MYT1L: variants seen among roughly 807,000 people sequenced by gnomAD.
The protein encoded by MYT1L is myelin transcription factor 1-like protein.
MYT1L carries 12 observed loss-of-function variants against 126.7 expected under a neutral mutation model. The ratio of observed to expected loss-of-function variants is 0.09; its 90% CI spans 0.06 to 0.15. MYT1L has a LOEUF of 0.15. MYT1L is among the 10% of genes least tolerant of loss of function. The probability of loss-of-function intolerance (pLI) is 1.00; values close to 1 mark genes in which losing one functional copy is unlikely to be tolerated. For synonymous variants in MYT1L, 541 were observed against 604.2 expected, an observed-to-expected ratio of 0.90 and a Z score of 1.53; for missense variants, 979 against 1,585.2, an observed-to-expected ratio of 0.62 and a Z score of 6.49.
chr2:2,014,200 T>TTTG (rs1383689862), intron 4 of MYT1L, among the ~76,000 whole-genome samples: 1 of 151,900 alleles, frequency 6.6e-6, no homozygotes, highest in Admixed American at 6.6e-5. Flanking sequence ...AATCCTGTTT[T>TTTG]TTTTTTTTTT....
intron 1 of MYT1L, among the ~76,000 whole-genome samples, chr2:2,328,738 G>A (rs147935804): frequency 6.6e-6 from 1 of 152,166 alleles, no homozygotes; most frequent in East Asian, 1.9e-4. Context: ...AAGTAATAAT[G>A]TTTACAATTT....
intron 18 of MYT1L, among the ~76,000 whole-genome samples, chr2:1,862,525 CTT>C (rs921295979): frequency 1.3e-5 from 2 of 152,162 alleles, no homozygotes; most frequent in African/African-American, 4.8e-5. Context: ...ATTCGTTCCT[CTT>C]TGTGCTTTTT....
At position 2,090,845 on chromosome 2, in the gene MYT1L, GA is replaced by G. The variant is rs536579958; in HGVS notation, c.-303-36723del. 1.2e-3 allele frequency among the ~76,000 whole-genome samples: 178 copies of G among 152,272 alleles called. 1 individual carries two copies. Among genetic ancestry groups the G allele is most frequent in the African/African-American group, 4.1e-3 (169 of 41,560 alleles). ...AACAGTGTTTACAGCATCTTCACCA[GA>G]AGTAGATTCCGTCTCAAGAAACTAC... On this transcript the variant is annotated intron_variant, in intron 3 of 24. Transcript: ENST00000647738.
intron 10 of MYT1L, among the ~76,000 whole-genome samples, chr2:1,920,520 C>T (rs570695538): frequency 6.6e-6 from 1 of 152,288 alleles, no homozygotes; most frequent in South Asian, 2.1e-4. Context: ...CTCAATCAGC[C>T]TTCCCTTGAC....
intron 23 of MYT1L, among the ~76,000 whole-genome samples, chr2:1,796,317 C>T (rs919602207): frequency 2.0e-5 from 3 of 152,174 alleles, no homozygotes; most frequent in African/African-American, 7.2e-5. Context: ...GTGGGAATCC[C>T]AAGGCGTTAG....
chr2:1,988,533 C>T (rs1277095763), intron 5 of MYT1L, among the ~76,000 whole-genome samples: 3 of 152,252 alleles, frequency 2.0e-5, no homozygotes, highest in Admixed American at 1.3e-4. Context: ...CCGTGCGGGG[C>T]AGCAGCAGCA....
At chr2:1,976,593 G>T (rs551556421) in intron 8 of MYT1L, among the ~76,000 whole-genome samples, 1 of 152,310 alleles carries the variant, frequency 6.6e-6, no homozygotes, top group Admixed American at 6.5e-5. Context: ...AGTGAGCCAA[G>T]ATTGTGCCAC....
chr2:1,808,811 G>C (rs1445505723), intron 22 of MYT1L, among the ~76,000 whole-genome samples: 4 of 152,206 alleles, frequency 2.6e-5, no homozygotes, highest in Admixed American at 2.0e-4. Flanking sequence ...GTTCCAGGGA[G>C]TAAATCGTCC....
chr2:1,907,328 C>A (rs1018644137), intron 13 of MYT1L, among the ~76,000 whole-genome samples: 1 of 151,744 alleles, frequency 6.6e-6, no homozygotes, highest in Admixed American at 6.6e-5. Context: ...TGGGAGGGGG[C>A]GGTGTGGTAA....
intron 4 of MYT1L, among the ~76,000 whole-genome samples, chr2:2,001,441 C>T (rs372113319): frequency 2.6e-5 from 4 of 152,156 alleles, no homozygotes; most frequent in East Asian, 1.9e-4. Context: ...GAGATCATGT[C>T]GCACCACTGT....
rs978751928 is a variant in MYT1L at position 2,099,782 on chromosome 2, G to A, written c.-303-45659C>T. On this transcript the variant is annotated intron_variant, in intron 3 of 24. Transcript: ENST00000647738. Reference sequence around the variant, plus strand: ...GCTGCAAGTCAAATAGTACAGCCACGCATTTTAAGGTATGAATTCCGTTAT... The same window carrying A: ...GCTGCAAGTCAAATAGTACAGCCACACATTTTAAGGTATGAATTCCGTTAT... Among the ~76,000 whole-genome samples the A allele has an allele frequency of 2.6e-5, 4 of 152,210 alleles. No homozygotes were observed. In the East Asian group the frequency reaches 5.8e-4, roughly 22 times the overall value.
chr2:2,208,957 C>G (rs1378184916), intron 2 of MYT1L, among the ~76,000 whole-genome samples: 2 of 151,440 alleles, frequency 1.3e-5, no homozygotes, highest in South Asian at 4.2e-4. Flanking sequence ...CATCATTTTT[C>G]AAATGTCATA....
At chr2:2,076,732 T>C (rs1388201290) in intron 3 of MYT1L, among the ~76,000 whole-genome samples, 2 of 152,104 alleles carry the variant, frequency 1.3e-5, no homozygotes, top group Non-Finnish European at 2.9e-5. Context: ...GATACCAGAA[T>C]TGCTATAACA....
chr2:2,193,737 G>A (rs2148763027), intron 2 of MYT1L, among the ~76,000 whole-genome samples: 1 of 152,286 alleles, frequency 6.6e-6, no homozygotes, highest in East Asian at 1.9e-4. Flanking sequence ...GATTTGGATA[G>A]CTAGGCAGGA....
chr2:1,848,518 T>C lies in MYT1L; in HGVS notation c.2774+3123A>G, dbSNP rs1373784815. Among the ~76,000 whole-genome samples the C allele has an allele frequency of 2.6e-5, 4 of 152,260 alleles. No homozygotes were observed. The highest frequency in any genetic ancestry group is 3.4e-3 in the Middle Eastern group (1 of 294). On this transcript the variant is annotated intron_variant, in intron 19 of 24. Transcript: ENST00000647738. This position sits in a 1 kb window ranked among gnomAD's most constrained non-coding sequence, Gnocchi z 4.8. ...CACACAACTACCTTGAATTGTGGCA[T>C]AACTGAGGGAAAAAGAAGGCCAGTG...
At chr2:2,051,166 C>T (rs776908472) in intron 4 of MYT1L, among the ~76,000 whole-genome samples, 2 of 152,156 alleles carry the variant, frequency 1.3e-5, no homozygotes, top group African/African-American at 2.4e-5. Context: ...CAAACCTAAG[C>T]CATGGGGAGC....
chr2:2,105,501 C>T (rs1175324491), intron 3 of MYT1L, among the ~76,000 whole-genome samples: 2 of 152,156 alleles, frequency 1.3e-5, no homozygotes, highest in Non-Finnish European at 2.9e-5. Flanking sequence ...TTTATTTCTG[C>T]TCATGACATA....
At chr2:2,025,263 G>C (rs1402120768) in intron 4 of MYT1L, among the ~76,000 whole-genome samples, 1 of 152,130 alleles carries the variant, frequency 6.6e-6, no homozygotes, top group Non-Finnish European at 1.5e-5. Context: ...CCCCGCCTCG[G>C]TTTGCTCTCC....
chr2:2,243,540 C>A (rs1280436746), intron 2 of MYT1L, among the ~76,000 whole-genome samples: 1 of 152,112 alleles, frequency 6.6e-6, no homozygotes, highest in African/African-American at 2.4e-5. Context: ...TTCCATGGTA[C>A]CTAGTTGTGT....
Sources: gnomAD v4.1 joint callset for allele counts (sites outside exome capture counted in the v4.1 genomes callset) on GRCh38, gnomAD v4.1.1 for gene constraint, Gnocchi (gnomAD v3.1) non-coding constraint, MANE v1.5 for transcripts, NCBI Gene and HGNC (gene_info 2026-07-23, HGNC 2026-07-21) for gene names.